OLFM2: variants seen among roughly 807,000 people sequenced by gnomAD.
OLFM2 encodes noelin-2.
Under a neutral mutation model 43.9 loss-of-function variants are expected in OLFM2, and 20 were observed. The observed-to-expected ratio is 0.46, with a 90% CI of 0.32 to 0.66. OLFM2 has a LOEUF of 0.66. Among genes scored for constraint, OLFM2 ranks in the 30% least tolerant of loss-of-function variants. OLFM2 has a pLI of 0.04. For missense variants in OLFM2, 416 were observed against 643.6 expected, an observed-to-expected ratio of 0.65 and a Z score of 3.83; for synonymous variants, 268 against 278.6, an observed-to-expected ratio of 0.96 and a Z score of 0.38.
chr19:9,930,726 C>T (rs2086477246), intron 1 of OLFM2, among the ~76,000 whole-genome samples: 2 of 151,464 alleles, frequency 1.3e-5, no homozygotes, highest in South Asian at 2.1e-4. Context: ...TGGTGCTGTG[C>T]GCCTATAATC....
Position 9,876,463 on chromosome 19 carries a change from C to T in OLFM2, c.64-15669G>A, listed in dbSNP as rs116825100. 3.9e-5 allele frequency among the ~76,000 whole-genome samples: 6 copies of T among 152,268 alleles called. No individual in the cohort carries two copies. In the South Asian group the frequency reaches 6.2e-4, roughly 16 times the overall value. ...TGATCAACCTGCCAATAACAGACAG[C>T]CAGGTACCAGGACTCCTGAAAACCC... On this transcript the variant is annotated intron_variant, in intron 1 of 5. Coordinates refer to ENST00000264833, the MANE Select transcript of OLFM2 (RefSeq NM_058164.4).
At chr19:9,862,945 C>T (rs183834025) in intron 1 of OLFM2, among the ~76,000 whole-genome samples, 2 of 148,580 alleles carry the variant, frequency 1.3e-5, no homozygotes, top group African/African-American at 5.0e-5. Flanking sequence ...GCCGAGATCA[C>T]ACCACTTTAC....
chr19:9,931,770 T>C (rs1003620519), intron 1 of OLFM2, among the ~76,000 whole-genome samples: 2 of 151,812 alleles, frequency 1.3e-5, no homozygotes, highest in Non-Finnish European at 1.5e-5. Context: ...GATCTTGCTG[T>C]ATTGCCCAGG....
intron 1 of OLFM2, among the ~76,000 whole-genome samples, chr19:9,914,277 T>G (rs1377144380): frequency 6.6e-6 from 1 of 150,890 alleles, no homozygotes; most frequent in African/African-American, 2.4e-5. Flanking sequence ...ACCTAAAACC[T>G]CGGACAGCGG....
intron 1 of OLFM2, among the ~76,000 whole-genome samples, chr19:9,908,811 A>T (rs542550684): frequency 6.6e-6 from 1 of 151,918 alleles, no homozygotes; most frequent in African/African-American, 2.4e-5. Flanking sequence ...TCCTGACCTC[A>T]GGTGATCCAC....
At chr19:9,872,993 T>G (rs1324480509) in intron 1 of OLFM2, among the ~76,000 whole-genome samples, 1 of 152,172 alleles carries the variant, frequency 6.6e-6, no homozygotes, top group Non-Finnish European at 1.5e-5. Context: ...TTACCAAAAT[T>G]CAATCCTTAG....
intron 1 of OLFM2, among the ~76,000 whole-genome samples, chr19:9,917,877 TTTTTG>T (rs56666087): frequency 2.7e-5 from 4 of 150,334 alleles, no homozygotes; most frequent in African/African-American, 7.4e-5. Flanking sequence ...CTTTAGTTGT[TTTTTG>T]TTTTGTTTTG....
At chr19:9,901,049 AG>A (rs1333664738) in intron 1 of OLFM2, among the ~76,000 whole-genome samples, 3 of 44,366 alleles carry the variant, frequency 6.8e-5, no homozygotes, top group African/African-American at 2.0e-4. Context: ...GAGGGAGGGA[AG>A]GGAGGGAGGG....
chr19:9,868,522 G>C (rs951430429), intron 1 of OLFM2, among the ~76,000 whole-genome samples: 9 of 152,064 alleles, frequency 5.9e-5, no homozygotes, highest in Non-Finnish European at 1.2e-4. Flanking sequence ...ACAAATTTAA[G>C]ATGCATCTAC....
In OLFM2 at chr19:9,853,752, C is replaced by T. The variant is rs1203203316; in HGVS notation, c.*434G>A. 4 of 411,942 alleles carry T rather than the reference C, an allele frequency of 9.7e-6. No individual in the cohort carries two copies. Among genetic ancestry groups the T allele is most frequent in the Admixed American group, 4.5e-5 (1 of 22,158 alleles). The allele number at this position is 411,942 out of a possible 1,614,324, so 25.5% of individuals were successfully genotyped here. On this transcript the variant is annotated 3_prime_UTR_variant, in exon 6 of 6. Transcript: ENST00000264833. ...AAAGGTCCTGTTTATTCCGGCAAAC[C>T]GGAAAGAAAAAGTGTAAATAAAAAA...
chr19:9,914,986 AG>A (rs1373342973), intron 1 of OLFM2, among the ~76,000 whole-genome samples: 1 of 151,994 alleles, frequency 6.6e-6, no homozygotes, highest in Non-Finnish European at 1.5e-5. Context: ...GAGGGGGGCT[AG>A]GGGTCTCGAA....
Position 9,854,541 on chromosome 19 carries a change from G to C in OLFM2, c.1010C>G (p.Thr337Ser), listed in dbSNP as rs1379797134. ...VDESGLWAVY[T>S]TNQNAGNIVV... Reference sequence around the variant, plus strand: ...GATGTTGCCCGCGTTCTGGTTGGTGGTGTACACAGCCCAGAGCCCGCTCTC... The same window carrying C: ...GATGTTGCCCGCGTTCTGGTTGGTGCTGTACACAGCCCAGAGCCCGCTCTC... Residue 337 changes from threonine (T) to serine (S), a missense_variant, in exon 6 of 6, where the codon ACC becomes AGC. Thr to Ser is a moderately conservative substitution (Grantham distance 58). Coordinates refer to ENST00000264833, the MANE Select transcript of OLFM2 (RefSeq NM_058164.4). This position sits in a 1 kb window ranked among gnomAD's most constrained non-coding sequence, Gnocchi z 9.5. 1.2e-6 allele frequency: 2 copies of C among 1,613,746 alleles called. No homozygotes were observed. Among genetic ancestry groups the C allele is most frequent in the Admixed American group, 1.7e-5 (1 of 60,004 alleles).
intron 1 of OLFM2, among the ~76,000 whole-genome samples, chr19:9,869,160 G>T (rs1288655561): frequency 6.6e-6 from 1 of 152,140 alleles, no homozygotes; most frequent in African/African-American, 2.4e-5. Context: ...GGTCATTTAT[G>T]CGGTTCTCAG....
intron 1 of OLFM2, among the ~76,000 whole-genome samples, chr19:9,892,216 A>G (rs2046646047): frequency 6.6e-6 from 1 of 152,020 alleles, no homozygotes; most frequent in Admixed American, 6.6e-5. Flanking sequence ...GTGTGTGTGC[A>G]TGTGTGTATC....
At chr19:9,887,627 C>A (rs1349895818) in intron 1 of OLFM2, among the ~76,000 whole-genome samples, 2 of 152,018 alleles carry the variant, frequency 1.3e-5, no homozygotes, top group Non-Finnish European at 2.9e-5. Context: ...TCCCAGTTCC[C>A]CCTACTTGCC....
In OLFM2 at chr19:9,928,632, C is replaced by CT. The variant is rs2086466282; in HGVS notation, c.63+7671_63+7672insA. On this transcript the variant is annotated intron_variant, in intron 1 of 5. Transcript: ENST00000264833. ...CCAGCCTGGGCAACATGGCAAAACC[C>CT]CGTCTCTATTAAAAATACAAAAACT... Among the ~76,000 whole-genome samples the CT allele has an allele frequency of 2.0e-5, 3 of 151,918 alleles. No homozygotes were observed. In the South Asian group the frequency reaches 6.2e-4, roughly 32 times the overall value.
At chr19:9,863,347 G>C (rs114293458) in intron 1 of OLFM2, among the ~76,000 whole-genome samples, 3 of 152,052 alleles carry the variant, frequency 2.0e-5, no homozygotes, top group Non-Finnish European at 4.4e-5. Context: ...GAGCCATGGA[G>C]GGTTCTGTGC....
intron 1 of OLFM2, among the ~76,000 whole-genome samples, chr19:9,922,976 G>C (rs576199973): frequency 6.6e-6 from 1 of 152,078 alleles, no homozygotes; most frequent in East Asian, 1.9e-4. Flanking sequence ...CAAGTGTTGG[G>C]GAGGATATGG....
intron 1 of OLFM2, among the ~76,000 whole-genome samples, chr19:9,922,946 A>G (rs1204993259): frequency 6.6e-6 from 1 of 151,952 alleles, no homozygotes; most frequent in Non-Finnish European, 1.5e-5. Flanking sequence ...AAGAAAAGAA[A>G]AGAAAAAGAA....
Sources: gnomAD v4.1 joint callset for allele counts (sites outside exome capture counted in the v4.1 genomes callset) on GRCh38, gnomAD v4.1.1 for gene constraint, Gnocchi (gnomAD v3.1) non-coding constraint, MANE v1.5 for transcripts, NCBI Gene and HGNC (gene_info 2026-07-23, HGNC 2026-07-21) for gene names.